TRAF3: variants seen among roughly 807,000 people sequenced by gnomAD.
TRAF3 encodes the protein TNF receptor associated factor 3.
TRAF3 carries 13 observed loss-of-function variants against 62.3 expected under a neutral mutation model. The ratio of observed to expected loss-of-function variants is 0.21; its 90% confidence interval spans 0.14 to 0.33. The LOEUF is 0.33. Among genes scored for constraint, TRAF3 ranks in the 10% least tolerant of loss-of-function variants. TRAF3 has a pLI of 1.00. For missense variants in TRAF3, 440 were observed against 741.8 expected, an observed-to-expected ratio of 0.59 and a Z score of 4.73; for synonymous variants, 269 against 283.4, an observed-to-expected ratio of 0.95 and a Z score of 0.51.
At chr14:102,887,880 C>T (rs1889490161) in intron 7 of TRAF3, among the ~76,000 whole-genome samples, 1 of 152,150 alleles carries the variant, frequency 6.6e-6, no homozygotes, top group Non-Finnish European at 1.5e-5. Flanking sequence ...CAGGTGTGAG[C>T]CACCGCGCCC....
chr14:102,894,377 A>G (rs1889891674), intron 9 of TRAF3, among the ~76,000 whole-genome samples: 1 of 152,234 alleles, frequency 6.6e-6, no homozygotes, highest in Admixed American at 6.5e-5. Flanking sequence ...GAAAAACTGC[A>G]AAATCTGGAC....
chr14:102,876,330 T>G (rs1888645324), intron 5 of TRAF3, 28 bp from the exon 6 acceptor site: 1 of 1,613,190 alleles, frequency 6.2e-7, no homozygotes, highest in Admixed American at 1.7e-5. Flanking sequence ...TTTTCCCAAT[T>G]AAGAACATTG....
Position 102,889,695 on chromosome 14 carries a change from A to G in TRAF3, c.726+61A>G, listed in dbSNP as rs1248974454. 4 of 1,572,530 alleles carry G rather than the reference A, an allele frequency of 2.5e-6. No individual in the cohort carries two copies. The African/African-American group carries it at 4.0e-5, about 16-fold the overall frequency. On this transcript the variant is annotated intron_variant, in intron 8 of 11. Coordinates refer to ENST00000392745, the MANE Select transcript of TRAF3 (RefSeq NM_145725.3). ...CATTCTGCCATGAGAGAAAGTTATT[A>G]TATTAACATTTTAACATGCAAGCTC...
chr14:102,901,423 G>A (rs751164302), intron 10 of TRAF3, among the ~76,000 whole-genome samples: 8 of 152,180 alleles, frequency 5.3e-5, no homozygotes, highest in South Asian at 2.1e-4. Flanking sequence ...CCTGCCACTC[G>A]CGAGCACCCC....
At chr14:102,890,230 A>AT (rs1889635278) in intron 8 of TRAF3, among the ~76,000 whole-genome samples, 2 of 152,360 alleles carry the variant, frequency 1.3e-5, no homozygotes, top group South Asian at 4.1e-4. Context: ...GTTGTTGTTT[A>AT]TTTTTTAACA....
chr14:102,900,948 C>G (rs373504479), intron 10 of TRAF3, among the ~76,000 whole-genome samples: 1 of 152,160 alleles, frequency 6.6e-6, no homozygotes, highest in African/African-American at 2.4e-5. Context: ...GAGTGTAGAC[C>G]GTTCTTCAAG....
chr14:102,825,955 T>G (rs1900284612), intron 1 of TRAF3, among the ~76,000 whole-genome samples: 1 of 152,248 alleles, frequency 6.6e-6, no homozygotes. Flanking sequence ...AGGTGTTCCC[T>G]GTCAGGAATT....
intron 2 of TRAF3, among the ~76,000 whole-genome samples, chr14:102,856,097 C>CAAAAA (rs3070340): frequency 2.7e-4 from 17 of 62,902 alleles, no homozygotes; most frequent in African/African-American, 8.5e-4. Flanking sequence ...CCCTGTCTCA[C>CAAAAA]AAAAAAAAAA....
intron 1 of TRAF3, among the ~76,000 whole-genome samples, chr14:102,801,288 C>T (rs576117375): frequency 6.6e-6 from 1 of 152,014 alleles, no homozygotes; most frequent in African/African-American, 2.4e-5. Flanking sequence ...AATGTGTTTT[C>T]TTATGGTTAC....
At chr14:102,829,206 G>C (rs1900512403) in intron 1 of TRAF3, among the ~76,000 whole-genome samples, 1 of 152,138 alleles carries the variant, frequency 6.6e-6, no homozygotes, top group South Asian at 2.1e-4. Flanking sequence ...ATAATGTTGG[G>C]GTTACCATGG....
In TRAF3 at chr14:102,909,167, T is replaced by TA. The variant is rs796328252; in HGVS notation, c.*3384dup. ...GAGGGAGCCTGAGTGAGCCCCGACA[T>TA]ACGCTGGGCCTTTCAGCTCGCCGTG... On this transcript the variant is annotated 3_prime_UTR_variant, in exon 12 of 12. Coordinates refer to ENST00000392745, the MANE Select transcript of TRAF3 (RefSeq NM_145725.3). 1.3e-4 allele frequency: 20 copies of TA among 152,358 alleles called. No homozygotes were observed. The highest frequency in any genetic ancestry group is 3.8e-4 in the African/African-American group (16 of 41,572). 9.4% of individuals were successfully genotyped at this position (152,358 alleles called of 1,614,324 possible).
chr14:102,898,072 G>A (rs1026171297), intron 10 of TRAF3, among the ~76,000 whole-genome samples: 1 of 152,222 alleles, frequency 6.6e-6, no homozygotes, highest in African/African-American at 2.4e-5. Context: ...GTCACACACC[G>A]TGGAAGAATC....
intron 2 of TRAF3, among the ~76,000 whole-genome samples, chr14:102,845,741 C>T (rs543209170): frequency 1.3e-5 from 2 of 151,968 alleles, no homozygotes; most frequent in Admixed American, 1.3e-4. Flanking sequence ...TGGTCTTGAT[C>T]TCCTGACCTC....
intron 6 of TRAF3, among the ~76,000 whole-genome samples, chr14:102,884,162 T>C (rs1208723286): frequency 6.6e-6 from 1 of 151,988 alleles, no homozygotes; most frequent in Non-Finnish European, 1.5e-5. Flanking sequence ...TCCCTGCCCC[T>C]CTCAGTTTCT....
chr14:102,817,414 G>C (rs76719443), intron 1 of TRAF3, among the ~76,000 whole-genome samples: 3,300 of 152,134 alleles, frequency 0.022, 139 homozygotes, highest in African/African-American at 0.076. Context: ...GGGAGTGGGG[G>C]TGCTGGGGAC....
intron 1 of TRAF3, among the ~76,000 whole-genome samples, chr14:102,803,636 C>G (rs1566745117): frequency 6.6e-6 from 1 of 151,260 alleles, no homozygotes; most frequent in Non-Finnish European, 1.5e-5. Context: ...GACTCAAGCT[C>G]CTGGGCTCAA....
intron 6 of TRAF3, 59 bp from the exon 7 acceptor site, chr14:102,886,130 C>T (rs1465087380): frequency 8.3e-6 from 13 of 1,573,296 alleles, no homozygotes; most frequent in East Asian, 6.8e-5. Context: ...GGGATCTCAG[C>T]GGGACTGAAG....
At position 102,903,476 on chromosome 14, in the gene TRAF3, G is replaced by A. The variant is rs376199567; in HGVS notation, c.1135+47G>A. 18 of 1,611,624 alleles carry A rather than the reference G, an allele frequency of 1.1e-5. No homozygotes were observed. The highest frequency in any genetic ancestry group is 4.0e-5 in the African/African-American group (3 of 74,900). ...GGCCAGCAGTGTGCATCTGGGCCCCGGGCGAGTGCTGGGGCGGGGTCCGTG... is the reference window on the plus strand; with the variant it reads ...GGCCAGCAGTGTGCATCTGGGCCCCAGGCGAGTGCTGGGGCGGGGTCCGTG... On this transcript the variant is annotated intron_variant, in intron 11 of 11. Transcript: ENST00000392745. The surrounding 1 kb of genome is among the most constrained non-coding windows in gnomAD (Gnocchi z 6.4).
chr14:102,888,757 C>T (rs1024790639), intron 7 of TRAF3, among the ~76,000 whole-genome samples: 1 of 152,360 alleles, frequency 6.6e-6, no homozygotes, highest in African/African-American at 2.4e-5. Context: ...AAAGACCAAA[C>T]TATACCTCAT....
Sources: allele counts gnomAD v4.1 joint callset (sites outside exome capture counted in the v4.1 genomes callset), GRCh38; gene constraint gnomAD v4.1.1; non-coding constraint Gnocchi (gnomAD v3.1); transcripts MANE v1.5; gene names NCBI Gene and HGNC (gene_info 2026-07-23, HGNC 2026-07-21).